SCHIP1: variants seen among roughly 807,000 people sequenced by gnomAD.
The protein encoded by SCHIP1 is schwannomin-interacting protein 1.
In SCHIP1, 8 loss-of-function variants were observed where a neutral mutation model predicts 29.7. That is an observed-to-expected ratio of 0.27 (90% CI 0.16 to 0.49). The LOEUF is 0.49. Ranked by LOEUF, SCHIP1 falls within the 20% of genes least tolerant of loss-of-function variation. The pLI is 0.99. For missense variants in SCHIP1, 193 were observed against 294.6 expected, an observed-to-expected ratio of 0.66 and a Z score of 2.52; for synonymous variants, 76 against 94.9, an observed-to-expected ratio of 0.80 and a Z score of 1.16.
the SCHIP1 span, among the ~76,000 whole-genome samples, chr3:159,790,185 C>T: frequency 1.3e-5 from 2 of 152,214 alleles, no homozygotes; most frequent in African/African-American, 2.4e-5. Flanking sequence ...AGACTCTACT[C>T]AGCAGCTGGG....
the SCHIP1 span, among the ~76,000 whole-genome samples, chr3:159,598,149 A>G: frequency 6.6e-6 from 1 of 152,184 alleles, no homozygotes; most frequent in Non-Finnish European, 1.5e-5. Flanking sequence ...ACAATTTAAG[A>G]TGAGATTTGG....
the SCHIP1 span, among the ~76,000 whole-genome samples, chr3:159,824,959 A>G: frequency 6.6e-6 from 1 of 152,144 alleles, no homozygotes; most frequent in South Asian, 2.1e-4. Context: ...ATTTAAAAGT[A>G]TGTCTTTCAA....
At chr3:159,825,649 A>G in the SCHIP1 span, among the ~76,000 whole-genome samples, 3 of 152,084 alleles carry the variant, frequency 2.0e-5, no homozygotes, top group Non-Finnish European at 4.4e-5. Flanking sequence ...CACCTACTAT[A>G]TGCCTGGCAC....
At chr3:159,669,364 A>G in the SCHIP1 span, among the ~76,000 whole-genome samples, 1 of 152,258 alleles carries the variant, frequency 6.6e-6, no homozygotes, top group African/African-American at 2.4e-5. Context: ...GACTGTCGTC[A>G]TCACTTATGA....
chr3:159,497,343 T>C, the SCHIP1 span, among the ~76,000 whole-genome samples: 1 of 152,064 alleles, frequency 6.6e-6, no homozygotes, highest in African/African-American at 2.4e-5. Flanking sequence ...ATAAAGACCC[T>C]TGATAAATGT....
At chr3:159,764,654 G>T in the SCHIP1 span, 4 of 1,599,752 alleles carry the variant, frequency 2.5e-6, no homozygotes, top group Admixed American at 3.4e-5. This position sits in a 1 kb window ranked among gnomAD's most constrained non-coding sequence, Gnocchi z 6.1. Flanking sequence ...ATTGATGAGT[G>T]GGCGCCGGAG....
the SCHIP1 span, among the ~76,000 whole-genome samples, chr3:159,825,822 C>T: frequency 8.6e-5 from 13 of 151,986 alleles, no homozygotes; most frequent in Non-Finnish European, 1.8e-4. Context: ...CTTATTTAGA[C>T]AGGGGGCTAA....
At chr3:159,303,232 CA>C in the SCHIP1 span, among the ~76,000 whole-genome samples, 3 of 151,770 alleles carry the variant, frequency 2.0e-5, no homozygotes, top group African/African-American at 4.8e-5. Flanking sequence ...AAAAAGTGAG[CA>C]AAAGTAAGAG....
the SCHIP1 span, among the ~76,000 whole-genome samples, chr3:159,533,967 G>T: frequency 2.0e-5 from 3 of 152,320 alleles, no homozygotes; most frequent in South Asian, 6.2e-4. Context: ...TCCAACCACA[G>T]CTTCATGTGA....
At chr3:159,509,179 T>C in the SCHIP1 span, among the ~76,000 whole-genome samples, 1 of 152,232 alleles carries the variant, frequency 6.6e-6, no homozygotes, top group Non-Finnish European at 1.5e-5. Flanking sequence ...ATATTTAGGA[T>C]AGTTAGCTCT....
chr3:159,887,700 C>G lies in SCHIP1; in HGVS notation c.268-8C>G. ...GGAAGGCTCAGGCTGCTCTTTTTCCCTTTGCAGAGCAAACAGAGTTCTTCC... is the reference window on the plus strand; with the variant it reads ...GGAAGGCTCAGGCTGCTCTTTTTCCGTTTGCAGAGCAAACAGAGTTCTTCC... On this transcript the variant is annotated splice_polypyrimidine_tract_variant and splice_region_variant and intron_variant, in intron 3 of 6. Transcript: ENST00000445224. The G allele has an allele frequency of 6.2e-7, 1 of 1,613,790 alleles. No homozygotes were observed. Among genetic ancestry groups the G allele is most frequent in the African/African-American group, 1.3e-5 (1 of 75,014 alleles).
the SCHIP1 span, among the ~76,000 whole-genome samples, chr3:159,532,699 A>C: frequency 8.9e-4 from 135 of 152,272 alleles, 1 homozygote; most frequent in African/African-American, 3.2e-3. Flanking sequence ...TCATGACCAA[A>C]TTCCAGCTAC....
At chr3:159,698,916 G>A in the SCHIP1 span, among the ~76,000 whole-genome samples, 9 of 152,158 alleles carry the variant, frequency 5.9e-5, no homozygotes, top group Non-Finnish European at 1.5e-5. Flanking sequence ...AAAATGCTGG[G>A]ATTACAGGTG....
Position 159,856,129 on chromosome 3 carries a change from A to G in SCHIP1, c.31-10034A>G, listed in dbSNP as rs118192022. Among the ~76,000 whole-genome samples the G allele has an allele frequency of 1.6e-4, 24 of 152,314 alleles. No individual in the cohort carries two copies. The East Asian group carries it at 4.4e-3, about 28-fold the overall frequency. ...TGTGAGCAAGTTCTGATCCCCTGATAAAGAACCACAGAGCTGATTGTCTTC... is the reference window on the plus strand; with the variant it reads ...TGTGAGCAAGTTCTGATCCCCTGATGAAGAACCACAGAGCTGATTGTCTTC... On this transcript the variant is annotated intron_variant, in intron 1 of 6. Transcript: ENST00000445224.
At chr3:159,532,298 C>T in the SCHIP1 span, among the ~76,000 whole-genome samples, 1 of 151,892 alleles carries the variant, frequency 6.6e-6, no homozygotes, top group African/African-American at 2.4e-5. Flanking sequence ...ACAAGTGAGT[C>T]TGAATTGGGG....
the SCHIP1 span, among the ~76,000 whole-genome samples, chr3:159,516,244 A>C: frequency 6.6e-6 from 1 of 152,056 alleles, no homozygotes; most frequent in African/African-American, 2.4e-5. Flanking sequence ...TTTGCTCCTG[A>C]ATCTGTCTAT....
At chr3:159,508,445 GT>G in the SCHIP1 span, among the ~76,000 whole-genome samples, 1 of 152,028 alleles carries the variant, frequency 6.6e-6, no homozygotes, top group African/African-American at 2.4e-5. Context: ...TTTTTGAAGG[GT>G]TTTTTGGTGT....
chr3:159,521,410 A>G, the SCHIP1 span, among the ~76,000 whole-genome samples: 1 of 152,268 alleles, frequency 6.6e-6, no homozygotes. Context: ...ACATTTTAAA[A>G]TCAGAAGAAA....
the SCHIP1 span, among the ~76,000 whole-genome samples, chr3:159,382,159 C>G: frequency 6.6e-6 from 1 of 150,858 alleles, no homozygotes; most frequent in African/African-American, 2.4e-5. Context: ...GCACAATGTG[C>G]AGGTTAATTA....
Sources: gnomAD v4.1 joint callset for allele counts (sites outside exome capture counted in the v4.1 genomes callset) on GRCh38, gnomAD v4.1.1 for gene constraint, Gnocchi (gnomAD v3.1) non-coding constraint, MANE v1.5 for transcripts, NCBI Gene and HGNC (gene_info 2026-07-23, HGNC 2026-07-21) for gene names.